Variants in DLGAP2 observed in about 807,000 individuals in gnomAD.
DLGAP2 encodes disks large-associated protein 2.
DLGAP2 carries 26 observed loss-of-function variants against 100.3 expected under a neutral mutation model. The ratio of observed to expected loss-of-function variants is 0.26; its 90% CI spans 0.19 to 0.36. The LOEUF (loss-of-function observed/expected upper bound fraction) is 0.36. Ranked by LOEUF, DLGAP2 falls within the 10% of genes least tolerant of loss-of-function variation. DLGAP2 has a pLI of 1.00. For synonymous variants in DLGAP2, 886 were observed against 630.1 expected, an observed-to-expected ratio of 1.41 and a Z score of -6.08; for missense variants, 1,858 against 1,453.2, an observed-to-expected ratio of 1.28 and a Z score of -4.53.
chr8:1,548,618 C>A lies in DLGAP2; in HGVS notation c.173-8C>A. 6 of 1,491,384 alleles carry A rather than the reference C, an allele frequency of 4.0e-6. No individual in the cohort carries two copies. The highest frequency in any genetic ancestry group is 1.4e-5 in the African/African-American group (1 of 70,966). The allele number at this position is 1,491,384 out of a possible 1,614,324, so 92.4% of individuals were successfully genotyped here. ...CGGGTGTTCAATGCCGTTTCTGTTT[C>A]CCCACAGACCCGCAGTACTCATGGT... On this transcript the variant is annotated splice_polypyrimidine_tract_variant and splice_region_variant and intron_variant, in intron 4 of 14. Transcript: ENST00000637795.
intron 3 of DLGAP2, chr8:1,296,905 G>A (rs1330038885): frequency 6.5e-6 from 1 of 152,966 alleles, no homozygotes; most frequent in Non-Finnish European, 1.5e-5. Context: ...CTGAGTCTGT[G>A]TAGGCTGTGT....
intron 3 of DLGAP2, among the ~76,000 whole-genome samples, chr8:1,489,130 C>G (rs766858506): frequency 3.9e-5 from 6 of 152,202 alleles, no homozygotes; most frequent in Non-Finnish European, 7.3e-5. Flanking sequence ...AAAATATGTC[C>G]TCCTCTGTGT....
At chr8:1,054,071 A>G (rs1802801249) in intron 2 of DLGAP2, among the ~76,000 whole-genome samples, 2 of 152,104 alleles carry the variant, frequency 1.3e-5, no homozygotes, top group South Asian at 2.1e-4. Context: ...GTTCATCATC[A>G]TGAGTGCTGA....
chr8:1,153,908 C>A (rs1796737213), intron 2 of DLGAP2, among the ~76,000 whole-genome samples: 1 of 152,000 alleles, frequency 6.6e-6, no homozygotes, highest in Non-Finnish European at 1.5e-5. Context: ...TGCACTGGAC[C>A]CCAGAGACGT....
chr8:1,649,225 C>G (rs760100845), intron 8 of DLGAP2, among the ~76,000 whole-genome samples: 1 of 151,932 alleles, frequency 6.6e-6, no homozygotes, highest in African/African-American at 2.4e-5. Context: ...CCAGTAAATT[C>G]TTTTTGTTTC....
At chr8:1,041,813 T>C (rs543521471) in intron 2 of DLGAP2, among the ~76,000 whole-genome samples, 2 of 151,022 alleles carry the variant, frequency 1.3e-5, no homozygotes, top group East Asian at 3.9e-4. Context: ...CGTGGGTGAG[T>C]GTTCTCCGAG....
intron 1 of DLGAP2, among the ~76,000 whole-genome samples, chr8:788,206 A>G (rs913830565): frequency 1.3e-5 from 2 of 152,114 alleles, no homozygotes; most frequent in Non-Finnish European, 2.9e-5. Context: ...CATGAATCTG[A>G]TCCTGTATTT....
At chr8:1,442,752 C>G in intron 3 of DLGAP2, among the ~76,000 whole-genome samples, 1 of 148,334 alleles carries the variant, frequency 6.7e-6, no homozygotes, top group East Asian at 2.0e-4. Flanking sequence ...GGTTCAGCCA[C>G]TGGAGGAGAC....
intron 2 of DLGAP2, among the ~76,000 whole-genome samples, chr8:1,206,859 G>A (rs1798007538): frequency 6.6e-6 from 1 of 152,256 alleles, no homozygotes; most frequent in East Asian, 1.9e-4. Context: ...GTTTTCCTAT[G>A]TCAGCCTTCT....
chr8:1,410,241 A>G (rs762652198), intron 3 of DLGAP2, among the ~76,000 whole-genome samples: 1 of 152,168 alleles, frequency 6.6e-6, no homozygotes, highest in South Asian at 2.1e-4. Context: ...TTCAGAGCAG[A>G]ATCTTTGCAT....
At chr8:759,290 A>AC (rs1289476744) in intron 1 of DLGAP2, among the ~76,000 whole-genome samples, 1 of 145,408 alleles carries the variant, frequency 6.9e-6, no homozygotes, top group Non-Finnish European at 1.5e-5. Context: ...CATTATCAAT[A>AC]CCCCCCACAG....
intron 3 of DLGAP2, among the ~76,000 whole-genome samples, chr8:1,364,385 G>GTGGTCTCC (rs1489396474): frequency 6.6e-6 from 1 of 152,064 alleles, no homozygotes; most frequent in African/African-American, 2.4e-5. Context: ...GGAATGAGGA[G>GTGGTCTCC]TGGTCTCCTG....
intron 1 of DLGAP2, among the ~76,000 whole-genome samples, chr8:850,264 T>C (rs1797161147): frequency 6.6e-6 from 1 of 152,116 alleles, no homozygotes. Flanking sequence ...TAATGTCCAG[T>C]TTATCACATT....
chr8:1,702,925 G>C lies in DLGAP2; in HGVS notation c.*1519G>C, dbSNP rs890290419. On this transcript the variant is annotated 3_prime_UTR_variant, in exon 15 of 15. Transcript: ENST00000637795. ...AGTACCATGTACTTAGCCACAGGCA[G>C]AATAGCTTTCGATGACCCCATAGCA... 1 of 152,668 alleles carries C rather than the reference G, an allele frequency of 6.6e-6. No homozygotes were observed. Among genetic ancestry groups the C allele is most frequent in the African/African-American group, 2.4e-5 (1 of 41,464 alleles). The allele number at this position is 152,668 out of a possible 1,614,324, so 9.5% of individuals were successfully genotyped here. A position where few individuals can be genotyped will look rare whatever the true frequency, so the allele number is the denominator to read the frequency against.
At position 1,106,481 on chromosome 8, in the gene DLGAP2, C is replaced by T. The variant is rs556545772; in HGVS notation, c.74-152370C>T. Reference sequence around the variant, plus strand: ...AAGGAGGGTTTTCTATTGAAGGGAGCCATTCTAGGACGGTTTTCTACTGAA... The same window carrying T: ...AAGGAGGGTTTTCTATTGAAGGGAGTCATTCTAGGACGGTTTTCTACTGAA... On this transcript the variant is annotated intron_variant, in intron 2 of 14. Transcript: ENST00000637795. 2.0e-5 allele frequency among the ~76,000 whole-genome samples: 3 copies of T among 148,304 alleles called. No individual in the cohort carries two copies. In the South Asian group the frequency reaches 6.5e-4, roughly 32 times the overall value.
chr8:1,245,049 T>A (rs1056786281), intron 2 of DLGAP2, among the ~76,000 whole-genome samples: 1 of 152,160 alleles, frequency 6.6e-6, no homozygotes, highest in Non-Finnish European at 1.5e-5. Context: ...TGAGACACCA[T>A]TGCCCACGTG....
intron 1 of DLGAP2, among the ~76,000 whole-genome samples, chr8:802,101 G>A (rs1344290784): frequency 7.2e-3 from 886 of 123,246 alleles, no homozygotes; most frequent in East Asian, 0.028. Flanking sequence ...CCTGGGGAAT[G>A]GTCCACACAC....
chr8:1,599,715 C>G (rs1168297277), intron 6 of DLGAP2, among the ~76,000 whole-genome samples: 2 of 151,918 alleles, frequency 1.3e-5, no homozygotes, highest in African/African-American at 4.8e-5. Context: ...TTTTTGCTTT[C>G]CGTTTGCTTG....
At chr8:1,626,282 T>C (rs867091948) in intron 6 of DLGAP2, among the ~76,000 whole-genome samples, 7 of 85,852 alleles carry the variant, frequency 8.2e-5, no homozygotes, top group African/African-American at 2.7e-4. Context: ...GTTGGACGGC[T>C]GTTCCCATCT....
Sources: allele counts gnomAD v4.1 joint callset (sites outside exome capture counted in the v4.1 genomes callset), GRCh38; gene constraint gnomAD v4.1.1; transcripts MANE v1.5; gene names NCBI Gene and HGNC (gene_info 2026-07-23, HGNC 2026-07-21).